CNNM2: variants seen among roughly 807,000 people sequenced by gnomAD.
CNNM2 encodes the protein cyclin and CBS domain divalent metal cation transport mediator 2.
Under a neutral mutation model 66.9 loss-of-function variants are expected in CNNM2, and 12 were observed. The observed-to-expected ratio is 0.18, with a 90% CI of 0.11 to 0.29. CNNM2 has a LOEUF of 0.29. Among genes scored for constraint, CNNM2 ranks in the 10% least tolerant of loss-of-function variants. The pLI is 1.00. For missense variants in CNNM2, 705 were observed against 1,167.7 expected, an observed-to-expected ratio of 0.60 and a Z score of 5.77; for synonymous variants, 557 against 501.8, an observed-to-expected ratio of 1.11 and a Z score of -1.47.
intron 1 of CNNM2, among the ~76,000 whole-genome samples, chr10:103,022,127 C>G (rs1474506153): frequency 6.6e-6 from 1 of 152,174 alleles, no homozygotes; most frequent in East Asian, 1.9e-4. Flanking sequence ...ACCTGTGAAA[C>G]TGCAGTTTCT....
chr10:103,033,486 G>A (rs566578935), intron 1 of CNNM2, among the ~76,000 whole-genome samples: 2 of 151,558 alleles, frequency 1.3e-5, no homozygotes, highest in African/African-American at 2.4e-5. Context: ...GAGCCACCAC[G>A]CCTGGACAAT....
At chr10:102,977,118 G>A (rs1276118237) in intron 1 of CNNM2, among the ~76,000 whole-genome samples, 1 of 152,152 alleles carries the variant, frequency 6.6e-6, no homozygotes, top group Admixed American at 6.5e-5. Flanking sequence ...GTCCTAAAGA[G>A]CTATTCCCAT....
intron 1 of CNNM2, among the ~76,000 whole-genome samples, chr10:102,935,605 ATTTTT>A (rs34763981): frequency 7.8e-6 from 1 of 128,058 alleles, no homozygotes; most frequent in Admixed American, 8.3e-5. Flanking sequence ...TTAAAAAAAA[ATTTTT>A]TTTTTTTTTT....
At chr10:103,068,838 T>G (rs896570093) in intron 5 of CNNM2, 116 bp downstream of exon 5, 77 of 679,462 alleles carry the variant, frequency 1.1e-4, no homozygotes, top group Non-Finnish European at 3.4e-5. Flanking sequence ...CTTTTTGAAC[T>G]TTTTTTTTGA....
chr10:102,921,864 CT>C (rs1018912073), intron 1 of CNNM2, among the ~76,000 whole-genome samples: 2 of 152,082 alleles, frequency 1.3e-5, no homozygotes, highest in African/African-American at 4.8e-5. Flanking sequence ...ACTTCTATAT[CT>C]TTTTACCTTG....
intron 5 of CNNM2, among the ~76,000 whole-genome samples, chr10:103,071,010 T>A (rs2065570263): frequency 1.3e-5 from 2 of 152,194 alleles, no homozygotes; most frequent in Admixed American, 1.3e-4. Context: ...ACTTTACAAC[T>A]AAGATTTGGG....
chr10:102,926,299 G>A (rs1156446743), intron 1 of CNNM2, among the ~76,000 whole-genome samples: 1 of 152,204 alleles, frequency 6.6e-6, no homozygotes, highest in Non-Finnish European at 1.5e-5. Context: ...AGACATTTAG[G>A]TGAGGAGAGA....
At chr10:103,006,606 G>A (rs2064233124) in intron 1 of CNNM2, among the ~76,000 whole-genome samples, 1 of 151,992 alleles carries the variant, frequency 6.6e-6, no homozygotes, top group Admixed American at 6.6e-5. Flanking sequence ...TTAAAATCAT[G>A]GCCAGATACT....
chr10:103,056,978 T>C lies in CNNM2; in HGVS notation c.2073+14T>C, dbSNP rs184406418. On this transcript the variant is annotated intron_variant, in intron 4 of 7. Coordinates refer to ENST00000369878, the MANE Select transcript of CNNM2 (RefSeq NM_017649.5). The stretch of plus-strand genomic sequence containing the variant: ...CTCATTCTGCAGGTCAGAAGAATTA[T>C]TCAATAGTGGTTTGCTCTCACTGAG... 645 of 1,605,440 alleles carry C rather than the reference T, an allele frequency of 4.0e-4. 4 individuals are homozygous for C. The African/African-American group carries it at 5.1e-3, about 13-fold the overall frequency.
At position 103,084,679 on chromosome 10, in the gene CNNM2, A is replaced by G. The variant is rs1319289170; in HGVS notation, c.*7499A>G. ...TCCCCCCTGCATCCTCAGAGTGCGCACACATCCGCTCATTTCTAAGCTTTA... is the reference window on the plus strand; with the variant it reads ...TCCCCCCTGCATCCTCAGAGTGCGCGCACATCCGCTCATTTCTAAGCTTTA... On this transcript the variant is annotated 3_prime_UTR_variant, in exon 8 of 8. Transcript: ENST00000369878. The G allele has an allele frequency of 1.3e-5, 2 of 152,162 alleles. No individual in the cohort carries two copies. The highest frequency in any genetic ancestry group is 6.5e-5 in the Admixed American group (1 of 15,278). The allele number at this position is 152,162 out of a possible 1,614,324, so 9.4% of individuals were successfully genotyped here. A position where few individuals can be genotyped will look rare whatever the true frequency, so the allele number is the denominator to read the frequency against.
chr10:102,938,935 G>T (rs1033313320), intron 1 of CNNM2, among the ~76,000 whole-genome samples: 1 of 152,074 alleles, frequency 6.6e-6, no homozygotes, highest in Non-Finnish European at 1.5e-5. Flanking sequence ...TTTGAGGAGA[G>T]CCTCTAATAG....
chr10:102,967,459 A>G (rs1023474781), intron 1 of CNNM2, among the ~76,000 whole-genome samples: 1 of 152,184 alleles, frequency 6.6e-6, no homozygotes, highest in East Asian at 1.9e-4. Flanking sequence ...CCTCTGGCAA[A>G]CACTGTTATG....
chr10:103,042,967 A>C (rs2065068407), intron 1 of CNNM2, among the ~76,000 whole-genome samples: 1 of 152,164 alleles, frequency 6.6e-6, no homozygotes, highest in South Asian at 2.1e-4. Flanking sequence ...TTATTGAATT[A>C]TTATAATTTT....
At chr10:103,065,128 C>T (rs1239002388) in intron 4 of CNNM2, among the ~76,000 whole-genome samples, 2 of 152,188 alleles carry the variant, frequency 1.3e-5, no homozygotes, top group African/African-American at 4.8e-5. Context: ...AGTTTTGAGT[C>T]TTGCAGCCGC....
chr10:102,961,982 G>C (rs1464056750), intron 1 of CNNM2, among the ~76,000 whole-genome samples: 1 of 151,976 alleles, frequency 6.6e-6, no homozygotes, highest in Non-Finnish European at 1.5e-5. Flanking sequence ...TTGAAATAAG[G>C]CACTTACTTT....
chr10:103,019,856 C>T (rs541976715), intron 1 of CNNM2, among the ~76,000 whole-genome samples: 1 of 152,032 alleles, frequency 6.6e-6, no homozygotes, highest in East Asian at 1.9e-4. Flanking sequence ...AAGAGACTTT[C>T]AAGACTTAAG....
chr10:103,015,098 A>G (rs2064417113), intron 1 of CNNM2, among the ~76,000 whole-genome samples: 1 of 152,218 alleles, frequency 6.6e-6, no homozygotes, highest in Non-Finnish European at 1.5e-5. Context: ...GGTTACAAAA[A>G]TGATGATTAC....
At chr10:102,997,401 A>T (rs1290873861) in intron 1 of CNNM2, among the ~76,000 whole-genome samples, 1 of 152,174 alleles carries the variant, frequency 6.6e-6, no homozygotes, top group Non-Finnish European at 1.5e-5. Flanking sequence ...TAGTTTGAAG[A>T]TGCATGTTCT....
chr10:103,083,147 A>G lies in CNNM2; in HGVS notation c.*5967A>G, dbSNP rs757921712. On this transcript the variant is annotated 3_prime_UTR_variant, in exon 8 of 8. Transcript: ENST00000369878. ...CTGTATCATAGTGTACAGGTCATGC[A>G]TTTGAGCAGTGAAGTTTTCTGAACA... is the stretch of plus-strand genomic sequence containing the variant. The G allele has an allele frequency of 6.6e-6, 1 of 152,186 alleles. No individual in the cohort carries two copies. The highest frequency in any genetic ancestry group is 1.5e-5 in the Non-Finnish European group (1 of 68,036). The allele number at this position is 152,186 out of a possible 1,614,324, so 9.4% of individuals were successfully genotyped here.
Sources: gnomAD v4.1 joint callset for allele counts (sites outside exome capture counted in the v4.1 genomes callset) on GRCh38, gnomAD v4.1.1 for gene constraint, MANE v1.5 for transcripts, NCBI Gene and HGNC (gene_info 2026-07-23, HGNC 2026-07-21) for gene names.